COL5A2: variants seen among roughly 807,000 people sequenced by gnomAD.
The protein encoded by COL5A2 is collagen alpha-2(V) chain.
A neutral mutation model predicts 208.2 loss-of-function variants in COL5A2; 23 were observed. The ratio of observed to expected loss-of-function variants is 0.11; its 90% CI spans 0.08 to 0.16. The LOEUF (loss-of-function observed/expected upper bound fraction) is 0.16. COL5A2 is among the 10% of genes least tolerant of loss of function. The probability of loss-of-function intolerance (pLI) is 1.00; values close to 1 mark genes in which losing one functional copy is unlikely to be tolerated. For missense variants in COL5A2, 1,590 were observed against 1,956.4 expected (o/e 0.81, Z 3.53); for synonymous variants, 625 against 628.5 (o/e 0.99, Z 0.08).
the COL5A2 span, among the ~76,000 whole-genome samples, chr2:189,400,438 T>C: frequency 1.3e-5 from 2 of 152,226 alleles, no homozygotes; most frequent in African/African-American, 2.4e-5. Context: ...AAATATTCCA[T>C]TAAGCTACCC....
the COL5A2 span, among the ~76,000 whole-genome samples, chr2:189,300,974 T>A: frequency 1.6e-3 from 236 of 152,154 alleles, no homozygotes; most frequent in African/African-American, 5.2e-3. Context: ...AATCCTTGAA[T>A]TCAGGAGTTT....
chr2:189,380,661 T>C, the COL5A2 span, among the ~76,000 whole-genome samples: 29,103 of 151,658 alleles, frequency 0.19, 3,094 homozygotes, highest in South Asian at 0.26. Flanking sequence ...TTTAAAAGAA[T>C]GATAGACCAA....
chr2:189,121,038 T>C (rs978701355), intron 1 of COL5A2, among the ~76,000 whole-genome samples: 2 of 151,668 alleles, frequency 1.3e-5, no homozygotes, highest in African/African-American at 4.9e-5. Context: ...AGAGAACCAG[T>C]GCAGTAACAG....
At chr2:189,230,010 G>A (rs901160564), upstream of COL5A2, among the ~76,000 whole-genome samples, 1 of 151,686 alleles carries the variant, frequency 6.6e-6, no homozygotes, top group African/African-American at 2.4e-5. Flanking sequence ...GACTAAAATA[G>A]ACAACCCCAA....
At chr2:189,311,371 A>G in the COL5A2 span, 1 of 955,752 alleles carries the variant, frequency 1.0e-6, no homozygotes, top group South Asian at 1.3e-5. Flanking sequence ...TGTCCAGGGC[A>G]TCACCAAGAT....
intron 29 of COL5A2, among the ~76,000 whole-genome samples, chr2:189,062,152 T>C (rs1192019312): frequency 1.3e-5 from 2 of 150,442 alleles, no homozygotes; most frequent in Non-Finnish European, 2.9e-5. Flanking sequence ...ATAAGTATTA[T>C]TCCTTTTATG....
At chr2:189,079,011 G>A (rs1257921770) in intron 15 of COL5A2, 52 bp downstream of exon 15, 1 of 1,392,976 alleles carries the variant, frequency 7.2e-7, no homozygotes, top group African/African-American at 1.4e-5. Context: ...TAATCTAAAA[G>A]GCAAGGAAAT....
the COL5A2 span, among the ~76,000 whole-genome samples, chr2:189,318,403 A>T: frequency 2.6e-5 from 4 of 152,184 alleles, no homozygotes; most frequent in Non-Finnish European, 5.9e-5. Context: ...TTTGATTTCT[A>T]TGCCAGCCTT....
the COL5A2 span, among the ~76,000 whole-genome samples, chr2:189,254,531 G>A: frequency 6.6e-6 from 1 of 152,244 alleles, no homozygotes; most frequent in Non-Finnish European, 1.5e-5. Flanking sequence ...CTAGGAGTGG[G>A]AAAGAGGGAA....
chr2:189,232,252 G>C, the COL5A2 span, among the ~76,000 whole-genome samples: 1 of 151,700 alleles, frequency 6.6e-6, no homozygotes, highest in Admixed American at 6.6e-5. Flanking sequence ...TTAAAATTAT[G>C]AGGTTCTAAT....
At chr2:189,360,272 C>T in the COL5A2 span, among the ~76,000 whole-genome samples, 4 of 151,976 alleles carry the variant, frequency 2.6e-5, no homozygotes, top group Non-Finnish European at 5.9e-5. Flanking sequence ...AAATAGGATA[C>T]ATTTTTAAAA....
intron 31 of COL5A2, among the ~76,000 whole-genome samples, chr2:189,059,918 T>C (rs1235674020): frequency 6.6e-6 from 1 of 152,052 alleles, no homozygotes; most frequent in African/African-American, 2.4e-5. Context: ...ATTACTCTAA[T>C]GATGAAGAAC....
the COL5A2 span, among the ~76,000 whole-genome samples, chr2:189,437,206 A>G: frequency 6.6e-6 from 1 of 152,206 alleles, no homozygotes; most frequent in East Asian, 1.9e-4. Flanking sequence ...AATTAGAAAT[A>G]TATGAAGCAT....
intron 1 of COL5A2, among the ~76,000 whole-genome samples, chr2:189,115,620 A>G (rs1309758553): frequency 6.6e-6 from 1 of 152,186 alleles, no homozygotes; most frequent in Non-Finnish European, 1.5e-5. Context: ...TGTTATAAAA[A>G]TTTTAAATCT....
chr2:189,201,109 T>C (rs80266252), intron 1 of COL5A2, among the ~76,000 whole-genome samples: 6,555 of 152,100 alleles, frequency 0.043, 271 homozygotes, highest in East Asian at 0.17. Flanking sequence ...TAAAATATAA[T>C]TGAATCTCTA....
At chr2:189,301,874 C>T in the COL5A2 span, among the ~76,000 whole-genome samples, 1 of 152,062 alleles carries the variant, frequency 6.6e-6, no homozygotes, top group East Asian at 1.9e-4. Context: ...TGTGCTAACA[C>T]TAGTCTGTAT....
intron 46 of COL5A2, 75 bp downstream of exon 46, chr2:189,045,725 G>T: frequency 1.8e-6 from 2 of 1,093,982 alleles, no homozygotes; most frequent in Non-Finnish European, 1.4e-6. Context: ...GACTATGTGT[G>T]TGTGCCTATA....
the COL5A2 span, among the ~76,000 whole-genome samples, chr2:189,245,547 C>T: frequency 1.1e-3 from 167 of 147,748 alleles, no homozygotes; most frequent in African/African-American, 4.0e-3. Context: ...TGCAGTGGCG[C>T]GATCTCGGCT....
At chr2:189,390,476 G>T in the COL5A2 span, among the ~76,000 whole-genome samples, 1 of 152,284 alleles carries the variant, frequency 6.6e-6, no homozygotes, top group South Asian at 2.1e-4. Context: ...GAATGGCACA[G>T]AAGACAAGTG....
Sources: gnomAD v4.1 joint callset for allele counts (sites outside exome capture counted in the v4.1 genomes callset) on GRCh38, gnomAD v4.1.1 for gene constraint, MANE v1.5 for transcripts, NCBI Gene and HGNC (gene_info 2026-07-23, HGNC 2026-07-21) for gene names.